The following IL37 variants were observed in gnomAD, a reference collection of about 807,000 sequenced individuals.
IL37 encodes interleukin-37.
A neutral mutation model predicts 15.4 loss-of-function variants in IL37; 15 were observed. The observed-to-expected ratio is 0.98, with a 90% CI of 0.65 to 1.50. The LOEUF (loss-of-function observed/expected upper bound fraction) is 1.50. Ranked by LOEUF, IL37 falls within the 40% of genes most tolerant of loss-of-function variation. The pLI, the probability that IL37 is intolerant of heterozygous loss-of-function variation, is 0.00. For synonymous variants in IL37, 98 were observed against 97.4 expected, an observed-to-expected ratio of 1.01 and a Z score of -0.03; for missense variants, 269 against 261.7, an observed-to-expected ratio of 1.03 and a Z score of -0.19.
At chr2:112,911,622 C>T (rs1683180109) in intron 1 of IL37, among the ~76,000 whole-genome samples, 1 of 152,206 alleles carries the variant, frequency 6.6e-6, no homozygotes, top group Admixed American at 6.5e-5. Context: ...TGGCCAGATG[C>T]ACTGCTTCTT....
intron 1 of IL37, among the ~76,000 whole-genome samples, chr2:112,912,499 T>A (rs1002747640): frequency 1.3e-5 from 2 of 152,206 alleles, no homozygotes; most frequent in African/African-American, 4.8e-5. Flanking sequence ...AGATGGTAAG[T>A]ATTTTAGGCT....
intron 3 of IL37, among the ~76,000 whole-genome samples, chr2:112,916,829 A>T (rs1683322964): frequency 6.6e-6 from 1 of 152,204 alleles, no homozygotes; most frequent in Non-Finnish European, 1.5e-5. Context: ...TATTACTTTC[A>T]TTTCACAGAT....
At position 112,918,845 on chromosome 2, in the gene IL37, G is replaced by T; in HGVS notation, c.*36G>T. On this transcript the variant is annotated 3_prime_UTR_variant, in exon 6 of 6. Transcript: ENST00000263326. ...CATTGAACGCCTTCCTCGCTAATTT[G>T]AACTAATTGTATAAAAACACCAAAC... is the stretch of plus-strand genomic sequence containing the variant. 1.3e-6 allele frequency: 2 copies of T among 1,583,824 alleles called. No individual in the cohort carries two copies. Among genetic ancestry groups the T allele is most frequent in the Admixed American group, 1.8e-5 (1 of 56,724 alleles).
At chr2:112,913,983 C>A (rs1012985714) in intron 3 of IL37, 129 bp downstream of exon 3, 5 of 719,958 alleles carry the variant, frequency 6.9e-6, no homozygotes, top group Non-Finnish European at 1.2e-5. Flanking sequence ...CTGGATGGGG[C>A]TGAAGTCTTT....
At chr2:112,917,045 G>C in intron 3 of IL37, 84 bp from the exon 4 acceptor site, 1 of 1,521,970 alleles carries the variant, frequency 6.6e-7, no homozygotes, top group African/African-American at 1.4e-5. Context: ...GAGAGCTAGG[G>C]CTGGGGCCCT....
rs370696410 is a variant in IL37, at chr2:112,918,674, A to G, written c.522A>G (p.Gly174=). The change falls in exon 6 of 6, where the codon GGA becomes GGG. Residue 174 remains glycine (G), a synonymous_variant. Transcript: ENST00000263326. ...WNMLESAAHP[G]WFICTSCNCN... ...TGCTGGAGTCGGCGGCTCACCCCGG[A>G]TGGTTCATCTGCACCTCCTGCAATT... The G allele has an allele frequency of 3.7e-6, 6 of 1,614,098 alleles. No individual in the cohort carries two copies. The highest frequency in any genetic ancestry group is 5.1e-6 in the Non-Finnish European group (6 of 1,180,008).
chr2:112,913,226 A>T, intron 2 of IL37, 132 bp downstream of exon 2: 4 of 541,996 alleles, frequency 7.4e-6, no homozygotes. Context: ...ATTTCCCTGG[A>T]CAAATAACTA....
At chr2:112,914,811 T>C (rs1204778126) in intron 3 of IL37, among the ~76,000 whole-genome samples, 4 of 152,140 alleles carry the variant, frequency 2.6e-5, no homozygotes, top group African/African-American at 4.8e-5. Context: ...CCAAGTCTGG[T>C]CCTCAAACGT....
Position 112,918,866 on chromosome 2 carries a change from C to T in IL37, c.*57C>T. The T allele has an allele frequency of 6.5e-7, 1 of 1,527,612 alleles. No homozygotes were observed. The highest frequency in any genetic ancestry group is 1.9e-5 in the Admixed American group (1 of 52,468). 94.6% of individuals were successfully genotyped at this position (1,527,612 alleles called of 1,614,324 possible). On this transcript the variant is annotated 3_prime_UTR_variant, in exon 6 of 6. Transcript: ENST00000263326. Reference sequence around the variant, plus strand: ...ATTTGAACTAATTGTATAAAAACACCAAACCTGCTCACTAAACTTTCTGTC... The same window carrying T: ...ATTTGAACTAATTGTATAAAAACACTAAACCTGCTCACTAAACTTTCTGTC...
At chr2:112,915,157 T>C in intron 3 of IL37, 2 of 1,589,728 alleles carry the variant, frequency 1.3e-6, no homozygotes, top group East Asian at 2.2e-5. Flanking sequence ...CTTAAGAGGA[T>C]AGTGAACTAG....
chr2:112,917,162 T>G lies in IL37; in HGVS notation c.179T>G (p.Phe60Cys). The G allele has an allele frequency of 6.2e-7, 1 of 1,614,048 alleles. No individual in the cohort carries two copies. Among genetic ancestry groups the G allele is most frequent in the Non-Finnish European group, 8.5e-7 (1 of 1,179,932 alleles). The part of the protein sequence containing the change: ...PKVKNLNPKK[F>C]SIHDQDHKVL... ...GTGAAGAACTTAAACCCGAAGAAAT[T>G]CAGCATTCATGACCAGGATCACAAA... Residue 60 changes from phenylalanine (F) to cysteine (C), a missense_variant, in exon 4 of 6, where the codon TTC (phenylalanine) becomes TGC (cysteine). Phe to Cys is a radical substitution (Grantham distance 205). Coordinates refer to ENST00000263326, the MANE Select transcript of IL37 (RefSeq NM_014439.4).
chr2:112,918,527 C>G (rs911234266), intron 5 of IL37, 34 bp from the exon 6 acceptor site: 9 of 1,585,886 alleles, frequency 5.7e-6, no homozygotes, highest in Non-Finnish European at 7.7e-6. Flanking sequence ...CTCTCAAAGC[C>G]TGTGCTATCT....
At chr2:112,917,801 T>A in intron 5 of IL37, 24 bp downstream of exon 5, 1 of 1,613,522 alleles carries the variant, frequency 6.2e-7, no homozygotes, top group African/African-American at 1.3e-5. Flanking sequence ...CTCAGTTTCC[T>A]GGGCCTTTGG....
chr2:112,918,681 A>G lies in IL37; in HGVS notation c.529A>G (p.Ile177Val). 6.2e-7 allele frequency: 1 copy of G among 1,614,150 alleles called. No homozygotes were observed. Among genetic ancestry groups the G allele is most frequent in the Non-Finnish European group, 8.5e-7 (1 of 1,180,032 alleles). Residue 177 changes from isoleucine (I) to valine (V), a missense_variant, in exon 6 of 6, where the codon ATC becomes GTC. Coordinates refer to ENST00000263326, the MANE Select transcript of IL37 (RefSeq NM_014439.4). ...LESAAHPGWFICTSCNCNEPV... is the reference protein window; with the variant it reads ...LESAAHPGWFVCTSCNCNEPV... ...GTCGGCGGCTCACCCCGGATGGTTCATCTGCACCTCCTGCAATTGTAATGA... is the reference window on the plus strand; with the variant it reads ...GTCGGCGGCTCACCCCGGATGGTTCGTCTGCACCTCCTGCAATTGTAATGA...
chr2:112,912,369 G>A (rs1313574973), intron 1 of IL37, among the ~76,000 whole-genome samples: 1 of 152,142 alleles, frequency 6.6e-6, no homozygotes, highest in African/African-American at 2.4e-5. Context: ...ATTAGGGATT[G>A]AGCCTCCTGG....
intron 4 of IL37, 37 bp from the exon 5 acceptor site, chr2:112,917,598 C>A: frequency 6.5e-7 from 1 of 1,530,530 alleles, no homozygotes; most frequent in South Asian, 1.3e-5. Flanking sequence ...TTTCCCTGCT[C>A]TCAGAACCCA....
chr2:112,913,159 G>T, intron 2 of IL37, 65 bp downstream of exon 2: 1 of 1,166,102 alleles, frequency 8.6e-7, no homozygotes, highest in Non-Finnish European at 1.2e-6. Context: ...ACTTTGCTAG[G>T]TGCTGTGCAC....
At chr2:112,913,966 A>G in intron 3 of IL37, 112 bp downstream of exon 3, 1 of 841,508 alleles carries the variant, frequency 1.2e-6, no homozygotes, top group Non-Finnish European at 2.0e-6. Context: ...GGGGACACCT[A>G]AGGGTGCTGG....
intron 5 of IL37, among the ~76,000 whole-genome samples, chr2:112,918,296 A>G (rs934045480): frequency 2.7e-5 from 4 of 146,556 alleles, no homozygotes; most frequent in African/African-American, 7.4e-5. Context: ...AGATTTTGGT[A>G]TCCATCTGAC....
Sources: gnomAD v4.1 joint callset for allele counts (sites outside exome capture counted in the v4.1 genomes callset) on GRCh38, gnomAD v4.1.1 for gene constraint, MANE v1.5 for transcripts, NCBI Gene and HGNC (gene_info 2026-07-23, HGNC 2026-07-21) for gene names.